ARB2A: variants seen among roughly 807,000 people sequenced by gnomAD.
The protein encoded by ARB2A is cotranscriptional regulator ARB2A.
the ARB2A span, among the ~76,000 whole-genome samples, chr5:93,821,969 T>C: frequency 6.6e-6 from 1 of 151,836 alleles, no homozygotes; most frequent in African/African-American, 2.4e-5. Flanking sequence ...AAACAACGTA[T>C]ATTACATTAA....
the ARB2A span, chr5:94,053,108 G>GATAC: frequency 7.2e-7 from 1 of 1,383,410 alleles, no homozygotes; most frequent in Non-Finnish European, 1.0e-6. Flanking sequence ...TAGATAGATA[G>GATAC]ATAGATAACC....
the ARB2A span, among the ~76,000 whole-genome samples, chr5:94,004,837 A>T: frequency 6.6e-6 from 1 of 151,564 alleles, no homozygotes; most frequent in East Asian, 1.9e-4. Context: ...TATTTAATAT[A>T]TATTATTGAT....
At chr5:94,045,835 A>C in the ARB2A span, among the ~76,000 whole-genome samples, 1 of 152,330 alleles carries the variant, frequency 6.6e-6, no homozygotes, top group East Asian at 1.9e-4. Context: ...TTCTTTTTTA[A>C]ACTCTACTTA....
chr5:94,111,603 A>G, the ARB2A span: 2 of 152,192 alleles, frequency 1.3e-5, no homozygotes, highest in African/African-American at 2.4e-5. Flanking sequence ...TGCGGTTGTT[A>G]TGACTTTCCC....
chr5:93,787,335 A>T, the ARB2A span, among the ~76,000 whole-genome samples: 2 of 152,188 alleles, frequency 1.3e-5, no homozygotes, highest in African/African-American at 4.8e-5. Context: ...AGTGATGACA[A>T]ATTTTGATAC....
the ARB2A span, among the ~76,000 whole-genome samples, chr5:93,870,258 T>C: frequency 6.6e-6 from 1 of 152,124 alleles, no homozygotes; most frequent in African/African-American, 2.4e-5. Context: ...GTAGTGTATA[T>C]ACAATGCTCC....
At chr5:93,639,445 CTT>C in the ARB2A span, among the ~76,000 whole-genome samples, 33 of 143,438 alleles carry the variant, frequency 2.3e-4, no homozygotes, top group African/African-American at 2.3e-4. Flanking sequence ...CTCTGAATGT[CTT>C]TTTTTTTTTT....
chr5:93,884,131 A>G, the ARB2A span, among the ~76,000 whole-genome samples: 1 of 151,658 alleles, frequency 6.6e-6, no homozygotes, highest in African/African-American at 2.4e-5. Flanking sequence ...AGCTGAAATA[A>G]CATGGCATCA....
At chr5:93,784,286 G>C in the ARB2A span, 1 of 726,716 alleles carries the variant, frequency 1.4e-6, no homozygotes, top group South Asian at 1.7e-5. Flanking sequence ...CCTCTAGAAA[G>C]GGAGTTTGAG....
the ARB2A span, among the ~76,000 whole-genome samples, chr5:93,649,669 G>A: frequency 9.9e-5 from 15 of 152,220 alleles, no homozygotes; most frequent in African/African-American, 3.6e-4. Flanking sequence ...CTTACAGCTA[G>A]ATGTCTGAAG....
At chr5:93,761,070 G>A in the ARB2A span, among the ~76,000 whole-genome samples, 2 of 151,928 alleles carry the variant, frequency 1.3e-5, no homozygotes, top group African/African-American at 4.8e-5. Context: ...AAACAATCCC[G>A]GGGGGTGGAG....
the ARB2A span, among the ~76,000 whole-genome samples, chr5:93,643,591 T>A: frequency 2.6e-5 from 4 of 152,258 alleles, no homozygotes; most frequent in South Asian, 8.3e-4. Context: ...GCCTCCTGGG[T>A]TCAAGTGACT....
the ARB2A span, among the ~76,000 whole-genome samples, chr5:93,754,992 C>G: frequency 6.6e-6 from 1 of 152,156 alleles, no homozygotes; most frequent in African/African-American, 2.4e-5. Context: ...GAAATAGAAA[C>G]AGGAAAATGA....
the ARB2A span, among the ~76,000 whole-genome samples, chr5:93,761,871 G>A: frequency 6.6e-6 from 1 of 152,178 alleles, no homozygotes; most frequent in African/African-American, 2.4e-5. Context: ...CCAGAGGAAC[G>A]ATCAGGCAGC....
chr5:93,760,442 A>C, the ARB2A span, among the ~76,000 whole-genome samples: 2 of 152,222 alleles, frequency 1.3e-5, no homozygotes, highest in Non-Finnish European at 2.9e-5. Context: ...CTGCATAGCC[A>C]AAGCAAGACT....
chr5:93,761,683 CT>C, the ARB2A span, among the ~76,000 whole-genome samples: 1 of 152,220 alleles, frequency 6.6e-6, no homozygotes, highest in South Asian at 2.1e-4. Context: ...TTATATGTCC[CT>C]GTCTGACAGT....
the ARB2A span, among the ~76,000 whole-genome samples, chr5:94,044,512 G>A: frequency 6.6e-6 from 1 of 152,042 alleles, no homozygotes; most frequent in Non-Finnish European, 1.5e-5. Context: ...AGTTATAGAA[G>A]ATAGATCTTC....
At chr5:93,809,156 C>T in the ARB2A span, among the ~76,000 whole-genome samples, 1 of 151,838 alleles carries the variant, frequency 6.6e-6, no homozygotes, top group Non-Finnish European at 1.5e-5. Flanking sequence ...AAAATCAGTC[C>T]TCTACTGTAC....
the ARB2A span, among the ~76,000 whole-genome samples, chr5:93,824,728 C>T: frequency 6.6e-6 from 1 of 152,164 alleles, no homozygotes; most frequent in Non-Finnish European, 1.5e-5. Flanking sequence ...CTAATGATTT[C>T]CCAGAGAAAC....
Sources: gnomAD v4.1 joint callset for allele counts (sites outside exome capture counted in the v4.1 genomes callset) on GRCh38, gnomAD v4.1.1 for gene constraint, MANE v1.5 for transcripts, NCBI Gene and HGNC (gene_info 2026-07-23, HGNC 2026-07-21) for gene names.